Variants in SIDT1 observed in about 807,000 individuals in gnomAD.
SIDT1 encodes SID1 transmembrane family member 1.
A neutral mutation model predicts 107.5 loss-of-function variants in SIDT1; 101 were observed. That is an observed-to-expected ratio of 0.94 (90% confidence interval 0.80 to 1.11). SIDT1 has a LOEUF of 1.11. Ranked by LOEUF, SIDT1 falls within the 50% of genes least tolerant of loss-of-function variation. The pLI, the probability that SIDT1 is intolerant of heterozygous loss-of-function variation, is 0.00. For synonymous variants in SIDT1, 395 were observed against 398.2 expected, an observed-to-expected ratio of 0.99 and a Z score of 0.10; for missense variants, 1,076 against 1,058.2, an observed-to-expected ratio of 1.02 and a Z score of -0.23.
At chr3:113,614,068 A>G (rs1945936736) in intron 19 of SIDT1, among the ~76,000 whole-genome samples, 1 of 152,230 alleles carries the variant, frequency 6.6e-6, no homozygotes, top group South Asian at 2.1e-4. Context: ...CCAAAAGGAC[A>G]GGGAAGACAT....
intron 10 of SIDT1, among the ~76,000 whole-genome samples, chr3:113,600,860 G>A (rs1944910342): frequency 6.6e-6 from 1 of 152,176 alleles, no homozygotes; most frequent in Non-Finnish European, 1.5e-5. Context: ...CCCTAAATAA[G>A]AAGAAATTTA....
chr3:113,597,851 T>C (rs563649495), intron 10 of SIDT1, among the ~76,000 whole-genome samples: 1 of 152,346 alleles, frequency 6.6e-6, no homozygotes, highest in South Asian at 2.1e-4. Context: ...TTGGTCTGTC[T>C]TATAAGCTGA....
At chr3:113,593,655 T>C (rs946415426) in intron 10 of SIDT1, among the ~76,000 whole-genome samples, 5 of 152,212 alleles carry the variant, frequency 3.3e-5, no homozygotes, top group African/African-American at 1.2e-4. Context: ...GTTTCACCTT[T>C]TCTAGGACAT....
At chr3:113,605,888 C>T (rs1945292398) in intron 14 of SIDT1, among the ~76,000 whole-genome samples, 1 of 151,904 alleles carries the variant, frequency 6.6e-6, no homozygotes, top group African/African-American at 2.4e-5. Flanking sequence ...CCTGTGGTCC[C>T]AGCTACTCGG....
At chr3:113,591,172 A>G (rs1472394655) in intron 9 of SIDT1, among the ~76,000 whole-genome samples, 2 of 152,210 alleles carry the variant, frequency 1.3e-5, no homozygotes, top group African/African-American at 4.8e-5. Context: ...CTTCAAAGAC[A>G]AGAAAATGAA....
At chr3:113,620,838 A>G (rs747154381) in intron 21 of SIDT1, among the ~76,000 whole-genome samples, 1 of 152,112 alleles carries the variant, frequency 6.6e-6, no homozygotes, top group African/African-American at 2.4e-5. Context: ...ATAATGACCA[A>G]CCTTTGACTA....
intron 4 of SIDT1, among the ~76,000 whole-genome samples, chr3:113,580,211 C>A (rs1365803175): frequency 1.3e-5 from 2 of 152,278 alleles, no homozygotes; most frequent in African/African-American, 4.8e-5. Flanking sequence ...ATGGAATTTT[C>A]GTATGTCACA....
At chr3:113,600,848 T>C (rs1033409784) in intron 10 of SIDT1, among the ~76,000 whole-genome samples, 4 of 152,184 alleles carry the variant, frequency 2.6e-5, no homozygotes, top group African/African-American at 9.7e-5. Context: ...AACACCTAAT[T>C]TCCCTAAATA....
chr3:113,595,293 C>G (rs1576894600), intron 10 of SIDT1, among the ~76,000 whole-genome samples: 1 of 152,268 alleles, frequency 6.6e-6, no homozygotes, highest in African/African-American at 2.4e-5. Context: ...TGCCTCCAGG[C>G]TTGGTGCAGT....
intron 9 of SIDT1, among the ~76,000 whole-genome samples, chr3:113,589,262 T>C (rs1943966570): frequency 6.6e-6 from 1 of 152,202 alleles, no homozygotes; most frequent in Non-Finnish European, 1.5e-5. Flanking sequence ...TCATTTGCTA[T>C]TTTTTCCTTT....
rs1282234399 is a variant in SIDT1 at position 113,601,771 on chromosome 3, T to C, written c.1117+112T>C. 7.7e-6 allele frequency: 5 copies of C among 645,326 alleles called. No homozygotes were observed. The South Asian group carries it at 1.1e-4, about 14-fold the overall frequency. 40.0% of individuals were successfully genotyped at this position (645,326 alleles called of 1,614,324 possible). On this transcript the variant is annotated intron_variant, in intron 11 of 24. Coordinates refer to ENST00000264852, the MANE Select transcript of SIDT1 (RefSeq NM_017699.3). The stretch of plus-strand genomic sequence containing the variant: ...GAATGTGGGCAAAGCAGCTATCCTA[T>C]GAGATTGTCTTTTATTTGTAAGATG...
At chr3:113,614,431 C>T (rs958957557) in intron 19 of SIDT1, among the ~76,000 whole-genome samples, 1 of 152,132 alleles carries the variant, frequency 6.6e-6, no homozygotes, top group African/African-American at 2.4e-5. Flanking sequence ...GGAGTCTTCC[C>T]CAGGTGGTTA....
chr3:113,535,443 A>G (rs1938028257), intron 1 of SIDT1, among the ~76,000 whole-genome samples: 1 of 152,252 alleles, frequency 6.6e-6, no homozygotes, highest in Admixed American at 6.5e-5. Context: ...TCAGATAAAA[A>G]CATAAAAACA....
chr3:113,601,546 C>T (rs1944959724), intron 10 of SIDT1, 42 bp from the exon 11 acceptor site: 1 of 1,357,362 alleles, frequency 7.4e-7, no homozygotes, highest in East Asian at 2.3e-5. Flanking sequence ...TTTGTTTTAG[C>T]AACTGGACAT....
intron 5 of SIDT1, among the ~76,000 whole-genome samples, 175 bp downstream of exon 5, chr3:113,580,884 TA>T (rs1405837485): frequency 2.0e-5 from 3 of 152,170 alleles, no homozygotes; most frequent in Non-Finnish European, 4.4e-5. Context: ...TTGCAGACAC[TA>T]ATTTGGAGTG....
the SIDT1 span, among the ~76,000 whole-genome samples, chr3:113,636,737 C>T: frequency 1.3e-5 from 2 of 152,208 alleles, no homozygotes; most frequent in African/African-American, 2.4e-5. Flanking sequence ...TACCTGACTT[C>T]TGAACTTATC....
In SIDT1 at chr3:113,567,668, A is replaced by T. The variant is rs766878196; in HGVS notation, c.473A>T (p.Gln158Leu). The T allele has an allele frequency of 2.7e-5, 44 of 1,614,028 alleles. No homozygotes were observed. In the South Asian group the frequency reaches 4.6e-4, roughly 17 times the overall value. ...DVASMAPLGA[Q>L]YKLLVTKLKH... ...GCATCCATGGCACCCCTGGGTGCTC[A>T]GTACAAACTGCTAGTTACCAAGCTG... is the stretch of plus-strand genomic sequence containing the variant. Residue 158 changes from glutamine to leucine, a missense_variant, in exon 3 of 25, where the codon CAG becomes CTG. By Grantham distance (113) the Gln-to-Leu change is moderately radical (BLOSUM62 -2). Transcript: ENST00000264852.
intron 19 of SIDT1, among the ~76,000 whole-genome samples, chr3:113,615,657 A>G (rs916361144): frequency 6.6e-6 from 1 of 152,226 alleles, no homozygotes; most frequent in South Asian, 2.1e-4. Context: ...TTATAACCGC[A>G]TTGAGAAATA....
intron 6 of SIDT1, 154 bp from the exon 7 acceptor site, chr3:113,583,255 A>G: frequency 4.1e-6 from 2 of 485,152 alleles, no homozygotes; most frequent in Non-Finnish European, 3.7e-6. Flanking sequence ...GGAGTAAATC[A>G]TGGGTATGTG....
Sources: allele counts gnomAD v4.1 joint callset (sites outside exome capture counted in the v4.1 genomes callset), GRCh38; gene constraint gnomAD v4.1.1; transcripts MANE v1.5; gene names NCBI Gene and HGNC (gene_info 2026-07-23, HGNC 2026-07-21).